Variants in TBC1D5 observed in about 807,000 individuals in gnomAD.
TBC1D5 encodes the protein TBC1 domain family member 5.
In TBC1D5, 75 loss-of-function variants were observed where a neutral mutation model predicts 100.3. That is an observed-to-expected ratio of 0.75 (90% CI 0.62 to 0.91). The LOEUF is 0.91. Ranked by LOEUF, TBC1D5 falls within the 40% of genes least tolerant of loss-of-function variation. TBC1D5 has a pLI of 0.00. For missense variants in TBC1D5, 910 were observed against 942.4 expected, an observed-to-expected ratio of 0.97 and a Z score of 0.45; for synonymous variants, 323 against 325.6, an observed-to-expected ratio of 0.99 and a Z score of 0.09.
intron 17 of TBC1D5, among the ~76,000 whole-genome samples, chr3:17,234,804 G>A (rs1412937508): frequency 1.3e-5 from 2 of 152,056 alleles, no homozygotes; most frequent in South Asian, 2.1e-4. Context: ...TATCCTCAGT[G>A]TTCTGACCAC....
chr3:17,325,944 A>C (rs1416492392), intron 13 of TBC1D5, among the ~76,000 whole-genome samples: 1 of 152,222 alleles, frequency 6.6e-6, no homozygotes, highest in South Asian at 2.1e-4. Flanking sequence ...CACAAACAAA[A>C]ATGGTAAATA....
intron 10 of TBC1D5, among the ~76,000 whole-genome samples, chr3:17,375,477 G>T (rs2092671827): frequency 6.6e-6 from 1 of 151,930 alleles, no homozygotes; most frequent in Admixed American, 6.6e-5. Context: ...TGAGGCAGGA[G>T]AATCACTTGA....
chr3:17,373,162 C>G (rs1308429478), intron 12 of TBC1D5, among the ~76,000 whole-genome samples: 1 of 152,154 alleles, frequency 6.6e-6, no homozygotes, highest in Non-Finnish European at 1.5e-5. Context: ...CCACTCTTAA[C>G]TCATAAGATG....
At chr3:17,322,098 G>A (rs1001385052) in intron 13 of TBC1D5, among the ~76,000 whole-genome samples, 1 of 152,144 alleles carries the variant, frequency 6.6e-6, no homozygotes, top group Non-Finnish European at 1.5e-5. Flanking sequence ...GGGGGAGGGG[G>A]AGGTACAATG....
chr3:17,680,478 C>A (rs1177446786), intron 1 of TBC1D5, among the ~76,000 whole-genome samples: 1 of 151,262 alleles, frequency 6.6e-6, no homozygotes, highest in Non-Finnish European at 1.5e-5. Context: ...CCTCCTGCCT[C>A]AGCCTCCCAG....
chr3:17,354,365 CCTCTT>C (rs1438500081), intron 13 of TBC1D5, among the ~76,000 whole-genome samples: 1 of 152,098 alleles, frequency 6.6e-6, no homozygotes, highest in Non-Finnish European at 1.5e-5. Flanking sequence ...TAATCCCTTT[CCTCTT>C]CTCATCTAGG....
At chr3:17,274,081 C>A (rs898508513) in intron 15 of TBC1D5, among the ~76,000 whole-genome samples, 5 of 151,178 alleles carry the variant, frequency 3.3e-5, no homozygotes, top group African/African-American at 1.2e-4. Flanking sequence ...GCTCATATTA[C>A]CTTTATTCCA....
intron 1 of TBC1D5, among the ~76,000 whole-genome samples, chr3:17,732,486 A>G (rs2076644691): frequency 3.3e-5 from 5 of 152,142 alleles, no homozygotes; most frequent in Admixed American, 3.3e-4. Context: ...TGGGAGGCCA[A>G]GGCGGATGGA....
chr3:17,496,707 A>G (rs771485028), intron 3 of TBC1D5, among the ~76,000 whole-genome samples: 1 of 152,196 alleles, frequency 6.6e-6, no homozygotes, highest in Non-Finnish European at 1.5e-5. Flanking sequence ...AAAAAATGTT[A>G]AAAATACAAC....
intron 13 of TBC1D5, among the ~76,000 whole-genome samples, chr3:17,355,836 C>T (rs1228742563): frequency 3.9e-5 from 6 of 151,924 alleles, no homozygotes; most frequent in Admixed American, 2.6e-4. Flanking sequence ...TAAGGTTATG[C>T]AATACTTTCT....
At chr3:17,726,425 CT>C (rs776657109) in intron 1 of TBC1D5, among the ~76,000 whole-genome samples, 31 of 152,188 alleles carry the variant, frequency 2.0e-4, no homozygotes, top group Admixed American at 2.6e-4. Context: ...GAGATGGTAT[CT>C]CATTGTGGGT....
intron 13 of TBC1D5, among the ~76,000 whole-genome samples, chr3:17,324,495 T>C (rs966586738): frequency 6.6e-6 from 1 of 151,874 alleles, no homozygotes; most frequent in African/African-American, 2.4e-5. Context: ...TACAAAAAAA[T>C]TAGCCGGGTG....
At chr3:17,466,966 G>C (rs1401160815) in intron 3 of TBC1D5, among the ~76,000 whole-genome samples, 1 of 151,886 alleles carries the variant, frequency 6.6e-6, no homozygotes, top group Non-Finnish European at 1.5e-5. Flanking sequence ...TAAATATTTA[G>C]TATTTTCTAA....
intron 2 of TBC1D5, among the ~76,000 whole-genome samples, chr3:17,614,344 C>T (rs768646110): frequency 1.3e-5 from 2 of 152,054 alleles, no homozygotes; most frequent in Non-Finnish European, 2.9e-5. Flanking sequence ...TTGTTCTCTT[C>T]GCTTACGATT....
At chr3:17,163,263 C>T (rs867649212) in intron 21 of TBC1D5, among the ~76,000 whole-genome samples, 10 of 75,726 alleles carry the variant, frequency 1.3e-4, no homozygotes, top group Non-Finnish European at 2.6e-4. Context: ...TGACCCCCCC[C>T]CCTTCCTTGC....
At chr3:17,616,715 G>A (rs549177767) in intron 2 of TBC1D5, among the ~76,000 whole-genome samples, 13 of 152,148 alleles carry the variant, frequency 8.5e-5, no homozygotes, top group African/African-American at 2.9e-4. Context: ...TGCAACCCCT[G>A]CCTTTTTTTG....
chr3:17,454,560 C>T (rs2095010046), intron 3 of TBC1D5, among the ~76,000 whole-genome samples: 1 of 152,004 alleles, frequency 6.6e-6, no homozygotes, highest in Non-Finnish European at 1.5e-5. Context: ...CCCGGGTTCA[C>T]GCCATTCTCC....
intron 3 of TBC1D5, among the ~76,000 whole-genome samples, chr3:17,450,210 GC>G (rs1035609409): frequency 8.9e-4 from 136 of 152,164 alleles, no homozygotes; most frequent in African/African-American, 2.7e-3. Context: ...GGACACCCAC[GC>G]AAAAACCCCA....
At chr3:17,288,104 T>A (rs979500632) in intron 15 of TBC1D5, among the ~76,000 whole-genome samples, 2 of 152,242 alleles carry the variant, frequency 1.3e-5, no homozygotes, top group South Asian at 2.1e-4. Flanking sequence ...AGCACTATGA[T>A]GTCTGAATTT....
Sources: gnomAD v4.1 joint callset for allele counts (sites outside exome capture counted in the v4.1 genomes callset) on GRCh38, gnomAD v4.1.1 for gene constraint, MANE v1.5 for transcripts, NCBI Gene and HGNC (gene_info 2026-07-23, HGNC 2026-07-21) for gene names.